Variants in NBEA observed in about 807,000 individuals in gnomAD.
NBEA encodes neurobeachin, also known as lysosomal-trafficking regulator 2.
A neutral mutation model predicts 343.4 loss-of-function variants in NBEA; 44 were observed. That is an observed-to-expected ratio of 0.13 (90% CI 0.10 to 0.16). The LOEUF is 0.16. Ranked by LOEUF, NBEA falls within the 10% of genes least tolerant of loss-of-function variation. The pLI is 1.00. For synonymous variants in NBEA, 1,175 were observed against 1,238.7 expected (o/e 0.95, Z 1.08); for missense variants, 2,555 against 3,631.3 (o/e 0.70, Z 7.62).
At chr13:35,055,945 C>T (rs74051228) in intron 6 of NBEA, 65 bp from the exon 7 acceptor site, 32,495 of 1,307,228 alleles carry the variant, frequency 0.025, 730 homozygotes, top group African/African-American at 0.098. Context: ...ATGAATGTTA[C>T]AATTGCATTT....
intron 1 of NBEA, among the ~76,000 whole-genome samples, chr13:35,025,767 C>T (rs961232787): frequency 1.1e-4 from 16 of 152,172 alleles, no homozygotes; most frequent in East Asian, 3.9e-4. Context: ...ATTTTGCTAT[C>T]GCTTACATTT....
chr13:35,046,897 AT>A (rs2062876190), intron 4 of NBEA, among the ~76,000 whole-genome samples: 2 of 151,688 alleles, frequency 1.3e-5, no homozygotes, highest in African/African-American at 2.4e-5. Context: ...GATGATGAGC[AT>A]TTTTTCATGT....
chr13:35,445,130 G>T (rs2045927012), intron 39 of NBEA, among the ~76,000 whole-genome samples: 1 of 152,002 alleles, frequency 6.6e-6, no homozygotes, highest in Non-Finnish European at 1.5e-5. Context: ...TGTTGGATAG[G>T]CATTGTGCCA....
At position 35,018,905 on chromosome 13, in the gene NBEA, C is replaced by T. The variant is rs532263024; in HGVS notation, c.295-22028C>T. Among the ~76,000 whole-genome samples the T allele has an allele frequency of 4.2e-4, 64 of 152,104 alleles. 1 individual carries two copies. Among genetic ancestry groups the T allele is most frequent in the Non-Finnish European group, 5.9e-5 (4 of 68,012 alleles). ...TTTTATAGATGCCTTTTATGAATAT[C>T]TGGTTGAGGAAATTCTATTTCTAGT... On this transcript the variant is annotated intron_variant, in intron 1 of 58. Transcript: ENST00000379939.
At chr13:35,124,613 C>CAT (rs2066991553) in intron 17 of NBEA, among the ~76,000 whole-genome samples, 1 of 146,588 alleles carries the variant, frequency 6.8e-6, no homozygotes, top group South Asian at 2.1e-4. Flanking sequence ...TATACACATA[C>CAT]ATATATATGG....
At chr13:35,375,775 T>A (rs1029302276) in intron 38 of NBEA, among the ~76,000 whole-genome samples, 22 of 152,168 alleles carry the variant, frequency 1.4e-4, no homozygotes, top group African/African-American at 4.6e-4. Context: ...CAACAAGTGA[T>A]CTTAAATATA....
At chr13:35,061,354 T>C (rs1462534225) in intron 8 of NBEA, among the ~76,000 whole-genome samples, 1 of 151,714 alleles carries the variant, frequency 6.6e-6, no homozygotes, top group Non-Finnish European at 1.5e-5. Context: ...ATACTGAAAA[T>C]CTCACTGTAG....
At chr13:35,437,009 C>T (rs74054542) in intron 39 of NBEA, among the ~76,000 whole-genome samples, 5,502 of 152,188 alleles carry the variant, frequency 0.036, 314 homozygotes, top group African/African-American at 0.12. Flanking sequence ...CCATTGATTT[C>T]GTCTTATCTA....
At chr13:35,131,139 A>C (rs1351669482) in intron 17 of NBEA, among the ~76,000 whole-genome samples, 1 of 152,132 alleles carries the variant, frequency 6.6e-6, no homozygotes, top group East Asian at 1.9e-4. Context: ...AGAAAGCAAG[A>C]CTATTAAACA....
chr13:35,558,354 G>T (rs1593219370), intron 44 of NBEA, among the ~76,000 whole-genome samples: 1 of 152,014 alleles, frequency 6.6e-6, no homozygotes, highest in African/African-American at 2.4e-5. Flanking sequence ...AAATCTAGGA[G>T]CCATTATTTA....
chr13:35,068,211 C>T (rs1014459038), intron 8 of NBEA, among the ~76,000 whole-genome samples: 1 of 151,896 alleles, frequency 6.6e-6, no homozygotes, highest in Non-Finnish European at 1.5e-5. Flanking sequence ...TCCTACAAAC[C>T]AAAATAGCGT....
chr13:35,218,972 T>C (rs529743568), intron 33 of NBEA, among the ~76,000 whole-genome samples: 1 of 152,204 alleles, frequency 6.6e-6, no homozygotes, highest in South Asian at 2.1e-4. Context: ...ATCTCTTCTT[T>C]TAGGAAAGTT....
intron 38 of NBEA, among the ~76,000 whole-genome samples, chr13:35,420,655 A>G (rs1232615838): frequency 6.6e-6 from 1 of 152,016 alleles, no homozygotes; most frequent in Non-Finnish European, 1.5e-5. Context: ...GATTTGGGGA[A>G]AGAGGAGTAA....
chr13:35,438,603 G>A (rs976781977), intron 39 of NBEA, among the ~76,000 whole-genome samples: 10 of 152,166 alleles, frequency 6.6e-5, no homozygotes, highest in Admixed American at 6.5e-5. Context: ...TTTAGTTGGT[G>A]TATTATTAAT....
chr13:34,991,266 C>T (rs1361442486), intron 1 of NBEA, among the ~76,000 whole-genome samples: 1 of 152,160 alleles, frequency 6.6e-6, no homozygotes, highest in Non-Finnish European at 1.5e-5. Context: ...TCTGTATTAA[C>T]CCATTCTTGC....
At chr13:35,269,953 A>C (rs1294909022) in intron 34 of NBEA, among the ~76,000 whole-genome samples, 1 of 152,184 alleles carries the variant, frequency 6.6e-6, no homozygotes, top group Non-Finnish European at 1.5e-5. Context: ...GTTGAGGGAA[A>C]TGTAAATGGA....
At chr13:35,587,749 C>G (rs1235893026) in intron 46 of NBEA, among the ~76,000 whole-genome samples, 1 of 152,126 alleles carries the variant, frequency 6.6e-6, no homozygotes, top group East Asian at 1.9e-4. Flanking sequence ...CAGCTAAACA[C>G]TTTCTCAAAT....
intron 38 of NBEA, among the ~76,000 whole-genome samples, chr13:35,365,672 T>A (rs1441795872): frequency 6.6e-6 from 1 of 151,664 alleles, no homozygotes; most frequent in Non-Finnish European, 1.5e-5. Context: ...GTTTAGATAT[T>A]TTTATTTATA....
At chr13:35,118,164 C>A in intron 14 of NBEA, 64 bp from the exon 15 acceptor site, 1 of 1,056,630 alleles carries the variant, frequency 9.5e-7, no homozygotes, top group Non-Finnish European at 1.3e-6. Flanking sequence ...ATTATTTTGA[C>A]ATCTTTTTTA....
Sources: allele counts gnomAD v4.1 joint callset (sites outside exome capture counted in the v4.1 genomes callset), GRCh38; gene constraint gnomAD v4.1.1; transcripts MANE v1.5; gene names NCBI Gene and HGNC (gene_info 2026-07-23, HGNC 2026-07-21).